CCDC141: variants seen among roughly 807,000 people sequenced by gnomAD.
CCDC141 encodes the protein coiled-coil domain containing 141.
CCDC141 carries 168 observed loss-of-function variants against 181.0 expected under a neutral mutation model. That is an observed-to-expected ratio of 0.93 (90% CI 0.82 to 1.05). The LOEUF (loss-of-function observed/expected upper bound fraction) is 1.05, where lower values mean the gene tolerates loss of function less well. CCDC141 is among the 50% of genes least tolerant of loss of function. The pLI, the probability that CCDC141 is intolerant of heterozygous loss-of-function variation, is 0.00. For synonymous variants in CCDC141, 666 were observed against 642.3 expected (o/e 1.04, Z -0.56); for missense variants, 1,902 against 1,788.5 (o/e 1.06, Z -1.14).
rs560957016 is a variant in CCDC141, at chr2:178,955,520, T to G, written c.780+5710A>C. ...ATTCAAATAGCAGAATACTATACAC[T>G]TATTAAAATTAATTGATCTATTTAA... is the stretch of plus-strand genomic sequence containing the variant. On this transcript the variant is annotated intron_variant, in intron 5 of 23. Transcript: ENST00000443758. Among the ~76,000 whole-genome samples, 53 of 152,346 alleles carry G rather than the reference T, an allele frequency of 3.5e-4. 1 individual carries two copies. The South Asian group carries it at 0.01, about 30-fold the overall frequency.
chr2:179,035,167 A>C (rs1224114297), intron 2 of CCDC141, among the ~76,000 whole-genome samples: 5 of 152,148 alleles, frequency 3.3e-5, no homozygotes, highest in African/African-American at 1.2e-4. Context: ...ATGCAGGTCA[A>C]ACAGTCTAAC....
chr2:178,955,591 G>A (rs1434992217), intron 5 of CCDC141, among the ~76,000 whole-genome samples: 1 of 151,712 alleles, frequency 6.6e-6, no homozygotes, highest in Non-Finnish European at 1.5e-5. Context: ...AAAAAAACAG[G>A]TTATAATACA....
intron 6 of CCDC141, among the ~76,000 whole-genome samples, chr2:178,923,429 C>T (rs1688792311): frequency 2.0e-5 from 3 of 152,122 alleles, no homozygotes; most frequent in Non-Finnish European, 4.4e-5. Context: ...TAAGATGAAA[C>T]TTTCCAGAGC....
intron 8 of CCDC141, among the ~76,000 whole-genome samples, chr2:178,891,833 T>C (rs1235857222): frequency 6.6e-6 from 1 of 152,132 alleles, no homozygotes; most frequent in East Asian, 1.9e-4. Context: ...TGTCTCATTT[T>C]GTGGTGATTT....
At chr2:178,984,205 C>G (rs1238758687) in intron 2 of CCDC141, among the ~76,000 whole-genome samples, 1 of 150,422 alleles carries the variant, frequency 6.6e-6, no homozygotes, top group Non-Finnish European at 1.5e-5. Context: ...ATTTCATATC[C>G]AGCCAAACTA....
intron 2 of CCDC141, among the ~76,000 whole-genome samples, chr2:179,039,975 A>G (rs1015774270): frequency 3.3e-5 from 5 of 152,206 alleles, no homozygotes; most frequent in African/African-American, 1.2e-4. Context: ...TAATATTAGA[A>G]TTAGGTATAT....
chr2:178,860,193 A>G (rs1267927735), intron 17 of CCDC141, among the ~76,000 whole-genome samples: 3 of 152,182 alleles, frequency 2.0e-5, no homozygotes, highest in African/African-American at 7.2e-5. Flanking sequence ...GAAAGCTGTG[A>G]TGTTATCACC....
At chr2:178,920,840 C>T (rs1688658147) in intron 6 of CCDC141, among the ~76,000 whole-genome samples, 1 of 152,040 alleles carries the variant, frequency 6.6e-6, no homozygotes, top group Non-Finnish European at 1.5e-5. Context: ...AAAAGAAAAA[C>T]ATTTTGATCA....
At chr2:178,846,225 G>A (rs1416442544) in intron 21 of CCDC141, among the ~76,000 whole-genome samples, 1 of 152,166 alleles carries the variant, frequency 6.6e-6, no homozygotes, top group East Asian at 1.9e-4. Context: ...AAGAAAAACA[G>A]CAATTGAGAA....
At chr2:178,998,824 C>T (rs1692402488) in intron 2 of CCDC141, among the ~76,000 whole-genome samples, 1 of 152,058 alleles carries the variant, frequency 6.6e-6, no homozygotes, top group African/African-American at 2.4e-5. Context: ...GTCTGAGAAG[C>T]ATATATCAAA....
At chr2:178,859,145 C>A (rs1393260259) in intron 17 of CCDC141, among the ~76,000 whole-genome samples, 3 of 152,180 alleles carry the variant, frequency 2.0e-5, no homozygotes, top group Non-Finnish European at 4.4e-5. Context: ...GTTGCTGGCA[C>A]TTTTCTCTTT....
intron 7 of CCDC141, among the ~76,000 whole-genome samples, chr2:178,910,065 G>T (rs1198551600): frequency 1.3e-5 from 2 of 152,168 alleles, no homozygotes; most frequent in African/African-American, 2.4e-5. Context: ...CTAAGGAGTT[G>T]CTTGGTGTTT....
At chr2:179,016,996 A>AT (rs1439950168) in intron 2 of CCDC141, among the ~76,000 whole-genome samples, 1 of 151,894 alleles carries the variant, frequency 6.6e-6, no homozygotes, top group African/African-American at 2.4e-5. Flanking sequence ...TTTTCTTCTT[A>AT]TTTTTTTAAT....
At chr2:178,845,226 A>T (rs1022362055) in intron 22 of CCDC141, among the ~76,000 whole-genome samples, 5 of 152,204 alleles carry the variant, frequency 3.3e-5, no homozygotes, top group Admixed American at 2.6e-4. Context: ...GGTTGTGTAA[A>T]ACATAAAAAT....
chr2:179,049,898 G>C lies in CCDC141; in HGVS notation c.44C>G (p.Thr15Arg). The C allele has an allele frequency of 6.4e-7, 1 of 1,550,780 alleles. No individual in the cohort carries two copies. The highest frequency in any genetic ancestry group is 8.7e-7 in the Non-Finnish European group (1 of 1,146,982). The change falls in exon 1 of 24, where the codon ACA becomes AGA. Residue 15 changes from threonine to arginine, a missense_variant. By Grantham distance (71) the Thr-to-Arg change is moderately conservative. Transcript: ENST00000443758. ...GSPSVALSTT[T>R]VSSVAVQAGD... Reference sequence around the variant, plus strand: ...AGCCTGCACAGCAACTGAACTGACTGTCGTCGTAGAAAGCGCAACACTAGG... The same window carrying C: ...AGCCTGCACAGCAACTGAACTGACTCTCGTCGTAGAAAGCGCAACACTAGG...
intron 4 of CCDC141, among the ~76,000 whole-genome samples, chr2:178,971,140 G>T (rs1690866817): frequency 6.6e-6 from 1 of 152,092 alleles, no homozygotes; most frequent in Admixed American, 6.5e-5. Flanking sequence ...CAAGGGAGGT[G>T]GAGGTCGCAG....
chr2:178,884,353 CAGAT>C (rs1335574941), intron 11 of CCDC141, among the ~76,000 whole-genome samples: 2 of 151,966 alleles, frequency 1.3e-5, no homozygotes, highest in African/African-American at 4.8e-5. Flanking sequence ...TGTTTCCAAA[CAGAT>C]AACTGTAATT....
chr2:178,929,939 C>G (rs545755577), intron 6 of CCDC141, among the ~76,000 whole-genome samples: 1 of 152,180 alleles, frequency 6.6e-6, no homozygotes, highest in Admixed American at 6.5e-5. Flanking sequence ...GTTTGAGAAG[C>G]TCTGGTCTAG....
intron 2 of CCDC141, among the ~76,000 whole-genome samples, chr2:178,987,718 A>T (rs187344579): frequency 0.013 from 1,922 of 145,986 alleles, 32 homozygotes; most frequent in African/African-American, 0.045. Flanking sequence ...ACATGAAAAA[A>T]TGCTCACCAT....
Sources: allele counts gnomAD v4.1 joint callset (sites outside exome capture counted in the v4.1 genomes callset), GRCh38; gene constraint gnomAD v4.1.1; transcripts MANE v1.5; gene names NCBI Gene and HGNC (gene_info 2026-07-23, HGNC 2026-07-21).